Variants in SLC24A3 observed in about 807,000 individuals in gnomAD.
The protein encoded by SLC24A3 is sodium/potassium/calcium exchanger 3.
A neutral mutation model predicts 75.8 loss-of-function variants in SLC24A3; 28 were observed. The observed-to-expected ratio is 0.37, with a 90% CI of 0.27 to 0.51. The LOEUF (loss-of-function observed/expected upper bound fraction) is 0.51. Among genes scored for constraint, SLC24A3 ranks in the 20% least tolerant of loss-of-function variants. The pLI is 0.94. For missense variants in SLC24A3, 663 were observed against 847.8 expected (o/e 0.78, Z 2.71); for synonymous variants, 372 against 334.1 (o/e 1.11, Z -1.24).
intron 3 of SLC24A3, among the ~76,000 whole-genome samples, chr20:19,529,963 G>C (rs189101627): frequency 5.2e-4 from 79 of 152,304 alleles, no homozygotes; most frequent in African/African-American, 1.8e-3. Flanking sequence ...ATAGTAAATA[G>C]ACTATATAGT....
At chr20:19,525,902 C>T (rs76831088) in intron 3 of SLC24A3, among the ~76,000 whole-genome samples, 3,018 of 152,232 alleles carry the variant, frequency 0.02, 109 homozygotes, top group African/African-American at 0.068. Flanking sequence ...ACATGCCTCA[C>T]GAGGGTCCTC....
At chr20:19,651,169 G>C (rs1474720167) in intron 6 of SLC24A3, among the ~76,000 whole-genome samples, 1 of 151,852 alleles carries the variant, frequency 6.6e-6, no homozygotes, top group Non-Finnish European at 1.5e-5. Context: ...ACATTCTCCA[G>C]TAGCTTTTTC....
At chr20:19,512,426 T>C (rs932474670) in intron 2 of SLC24A3, among the ~76,000 whole-genome samples, 4 of 152,138 alleles carry the variant, frequency 2.6e-5, no homozygotes, top group African/African-American at 9.7e-5. Flanking sequence ...CCAGTGTGTC[T>C]TCCCCAGGGG....
Position 19,354,588 on chromosome 20 carries a change from ATGTGTG to A in SLC24A3, c.271+73531_271+73536del, listed in dbSNP as rs569362767. Among the ~76,000 whole-genome samples the A allele has an allele frequency of 8.0e-4, 109 of 136,360 alleles. No homozygotes were observed. The East Asian group carries it at 0.018, about 22-fold the overall frequency. The allele number at this position is 136,360 out of a possible 152,430, so 89.5% of individuals were successfully genotyped here. ...GGTGGACTTCATAAAAAATTTGTGTATGTGTGTGTGTGTGTGTGTGTGTGTGTGTGT... is the reference window on the plus strand; with the variant it reads ...GGTGGACTTCATAAAAAATTTGTGTATGTGTGTGTGTGTGTGTGTGTGTGT... On this transcript the variant is annotated intron_variant, in intron 2 of 16. Coordinates refer to ENST00000328041, the MANE Select transcript of SLC24A3 (RefSeq NM_020689.4).
In SLC24A3 at chr20:19,665,863, G is replaced by T; in HGVS notation, c.688-1G>T. 3 of 1,604,448 alleles carry T rather than the reference G, an allele frequency of 1.9e-6. No individual in the cohort carries two copies. The highest frequency in any genetic ancestry group is 2.6e-6 in the Non-Finnish European group (3 of 1,175,552). ...CTTCTATTCTTTTTATTTTTTCACA[G>T]TTTATTTATGATGAAAAAGTTTCCT... On this transcript the variant is annotated splice_acceptor_variant, in intron 7 of 16. Coordinates refer to ENST00000328041, the MANE Select transcript of SLC24A3 (RefSeq NM_020689.4). LOFTEE classifies it high-confidence loss of function.
At chr20:19,678,237 G>A (rs975615988) in intron 9 of SLC24A3, among the ~76,000 whole-genome samples, 4 of 150,044 alleles carry the variant, frequency 2.7e-5, no homozygotes, top group Non-Finnish European at 6.0e-5. Flanking sequence ...CCTCCCAGAC[G>A]GGGTGGTGGC....
At chr20:19,461,571 C>T (rs1309471065) in intron 2 of SLC24A3, among the ~76,000 whole-genome samples, 3 of 129,914 alleles carry the variant, frequency 2.3e-5, no homozygotes, top group African/African-American at 3.0e-5. Flanking sequence ...CTTGCTCTGT[C>T]GCCCAGGCTA....
At chr20:19,417,446 C>T (rs545873060) in intron 2 of SLC24A3, among the ~76,000 whole-genome samples, 23 of 152,252 alleles carry the variant, frequency 1.5e-4, no homozygotes, top group African/African-American at 4.6e-4. Context: ...TACAAGATGT[C>T]AAGTGGATGG....
At chr20:19,406,083 T>C (rs1181428552) in intron 2 of SLC24A3, among the ~76,000 whole-genome samples, 1 of 152,218 alleles carries the variant, frequency 6.6e-6, no homozygotes, top group Non-Finnish European at 1.5e-5. Flanking sequence ...TAGAAAGTTC[T>C]TAGAATGCAG....
chr20:19,387,161 C>G (rs6046043), intron 2 of SLC24A3, among the ~76,000 whole-genome samples: 1,640 of 152,064 alleles, frequency 0.011, 28 homozygotes, highest in African/African-American at 0.036. Context: ...TCTTATGATC[C>G]TTAGTATTTC....
At chr20:19,355,556 C>G (rs1470013852) in intron 2 of SLC24A3, among the ~76,000 whole-genome samples, 6 of 152,204 alleles carry the variant, frequency 3.9e-5, no homozygotes, top group Non-Finnish European at 8.8e-5. Flanking sequence ...CCACTGGACC[C>G]TTGGAGAATC....
chr20:19,608,494 C>A (rs1398636210), intron 6 of SLC24A3, among the ~76,000 whole-genome samples: 1 of 152,208 alleles, frequency 6.6e-6, no homozygotes, highest in Non-Finnish European at 1.5e-5. Context: ...CTGGTGTCTT[C>A]TCATTTAGGA....
intron 3 of SLC24A3, among the ~76,000 whole-genome samples, chr20:19,517,042 G>T (rs2030007641): frequency 6.6e-6 from 1 of 152,196 alleles, no homozygotes; most frequent in African/African-American, 2.4e-5. Context: ...AGCATGAAAA[G>T]TCTCTTTTCT....
rs552339138 is a variant in SLC24A3 at position 19,325,732 on chromosome 20, ATG to A, written c.271+44665_271+44666del. Reference sequence around the variant, plus strand: ...TATTTGCAAATATGCATATATATATATGTGTGTGTGTGTGTGTGTGTATACAT... The same window carrying A: ...TATTTGCAAATATGCATATATATATATGTGTGTGTGTGTGTGTGTATACAT... On this transcript the variant is annotated intron_variant, in intron 2 of 16. Transcript: ENST00000328041. 7.8e-4 allele frequency among the ~76,000 whole-genome samples: 59 copies of A among 75,894 alleles called. 1 individual carries two copies. The highest frequency in any genetic ancestry group is 3.1e-3 in the South Asian group (7 of 2,260). 49.8% of individuals were successfully genotyped at this position (75,894 alleles called of 152,430 possible). A position where few individuals can be genotyped will look rare whatever the true frequency, so the allele number is the denominator to read the frequency against.
At chr20:19,380,715 TGA>T (rs1986166157) in intron 2 of SLC24A3, among the ~76,000 whole-genome samples, 1 of 151,704 alleles carries the variant, frequency 6.6e-6, no homozygotes, top group Non-Finnish European at 1.5e-5. Flanking sequence ...AAATCTGGAG[TGA>T]GAGGGGGTAC....
intron 2 of SLC24A3, among the ~76,000 whole-genome samples, chr20:19,394,008 G>T (rs1162129146): frequency 6.6e-6 from 1 of 152,162 alleles, no homozygotes; most frequent in Admixed American, 6.5e-5. Flanking sequence ...TGTAAAGACA[G>T]ACATAGATCA....
At position 19,217,944 on chromosome 20, in the gene SLC24A3, G is replaced by T. The variant is rs533376157; in HGVS notation, c.142+4960G>T. Among the ~76,000 whole-genome samples, 5 of 152,158 alleles carry T rather than the reference G, an allele frequency of 3.3e-5. No individual in the cohort carries two copies. In the South Asian group the frequency reaches 1.0e-3, roughly 32 times the overall value. ...CCCTTCATAGCATTTATCACAGTTG[G>T]TAATTATGTGTTTATTTGGTCATGA... On this transcript the variant is annotated intron_variant, in intron 1 of 16. Transcript: ENST00000328041.
At chr20:19,698,938 T>C (rs1239472477) in intron 15 of SLC24A3, among the ~76,000 whole-genome samples, 1 of 152,218 alleles carries the variant, frequency 6.6e-6, no homozygotes. Flanking sequence ...CCAGAGGATG[T>C]TTATACAGCT....
chr20:19,607,720 C>T (rs759604493), intron 6 of SLC24A3, among the ~76,000 whole-genome samples: 26 of 152,224 alleles, frequency 1.7e-4, no homozygotes, highest in Non-Finnish European at 2.8e-4. Context: ...CTCCAGACCT[C>T]CACTCTTGGT....
Sources: allele counts gnomAD v4.1 joint callset (sites outside exome capture counted in the v4.1 genomes callset), GRCh38; gene constraint gnomAD v4.1.1; transcripts MANE v1.5; gene names NCBI Gene and HGNC (gene_info 2026-07-23, HGNC 2026-07-21).